The following DHCR7 variants were observed in gnomAD, a reference collection of about 807,000 sequenced individuals.
The protein encoded by DHCR7 is 7-dehydrocholesterol reductase.
In DHCR7, 40 loss-of-function variants were observed where a neutral mutation model predicts 43.3. That is an observed-to-expected ratio of 0.92 (90% CI 0.72 to 1.20). The LOEUF (loss-of-function observed/expected upper bound fraction) is 1.20. DHCR7 is among the 50% of genes most tolerant of loss of function. DHCR7 has a pLI of 0.00. For missense variants in DHCR7, 608 were observed against 644.6 expected, an observed-to-expected ratio of 0.94 and a Z score of 0.62; for synonymous variants, 298 against 271.4, an observed-to-expected ratio of 1.10 and a Z score of -0.96.
At chr11:71,429,397 G>A (rs376479665) in intron 2 of DHCR7, among the ~76,000 whole-genome samples, 3 of 152,298 alleles carry the variant, frequency 2.0e-5, no homozygotes, top group African/African-American at 4.8e-5. Context: ...CTGTTGAGCC[G>A]AGAACAGACT....
chr11:71,443,711 G>C (rs890156778), intron 4 of DHCR7, among the ~76,000 whole-genome samples: 1 of 152,186 alleles, frequency 6.6e-6, no homozygotes, highest in Non-Finnish European at 1.5e-5. Flanking sequence ...ACGGGGTTTT[G>C]CTCCTATCCT....
chr11:71,448,892 A>G (rs1434246943), upstream of DHCR7: 6 of 152,544 alleles, frequency 3.9e-5, no homozygotes, highest in African/African-American at 1.4e-4. Context: ...TCAGGTAAAC[A>G]CATGGGTGTC....
intron 2 of DHCR7, among the ~76,000 whole-genome samples, chr11:71,446,960 G>C (rs1949411517): frequency 6.6e-6 from 1 of 152,192 alleles, no homozygotes. Flanking sequence ...CAGCCACCTG[G>C]ACAAGCTGGC....
chr11:71,446,969 G>C (rs1432540935), intron 2 of DHCR7, among the ~76,000 whole-genome samples: 1 of 152,194 alleles, frequency 6.6e-6, no homozygotes, highest in African/African-American at 2.4e-5. Flanking sequence ...GGACAAGCTG[G>C]CTTGCTTTAG....
At chr11:71,436,461 G>A (rs1470955745) in intron 8 of DHCR7, among the ~76,000 whole-genome samples, 16 of 152,196 alleles carry the variant, frequency 1.1e-4, no homozygotes, top group Non-Finnish European at 2.9e-5. Context: ...TCAGGAGTTT[G>A]AGACCAGCCT....
intron 6 of DHCR7, among the ~76,000 whole-genome samples, chr11:71,440,302 CCT>C (rs1949334873): frequency 6.6e-6 from 1 of 151,790 alleles, no homozygotes; most frequent in Non-Finnish European, 1.5e-5. Context: ...CATTACAGGC[CCT>C]GATAGAGTGG....
At chr11:71,446,260 G>GAAAAAA (rs57679336) in intron 2 of DHCR7, among the ~76,000 whole-genome samples, 108 of 65,846 alleles carry the variant, frequency 1.6e-3, no homozygotes, top group Non-Finnish European at 2.3e-3. Flanking sequence ...CTTACCAAAT[G>GAAAAAA]AAAAAAAAAA....
At chr11:71,443,702 C>T (rs966988065) in intron 4 of DHCR7, among the ~76,000 whole-genome samples, 10 of 152,178 alleles carry the variant, frequency 6.6e-5, no homozygotes, top group Non-Finnish European at 1.3e-4. Context: ...TGCCCTCCCA[C>T]GGGGTTTTGC....
At chr11:71,441,953 G>A (rs962435179) in intron 5 of DHCR7, among the ~76,000 whole-genome samples, 13 of 152,304 alleles carry the variant, frequency 8.5e-5, no homozygotes, top group Admixed American at 3.3e-4. Flanking sequence ...GGACAGCCCC[G>A]AGGAATGGTG....
chr11:71,435,202 A>T lies in DHCR7; in HGVS notation c.*173T>A. 1.3e-6 allele frequency: 1 copy of T among 754,330 alleles called. No individual in the cohort carries two copies. The highest frequency in any genetic ancestry group is 2.3e-6 in the Non-Finnish European group (1 of 430,428). The allele number at this position is 754,330 out of a possible 1,614,324, so 46.7% of individuals were successfully genotyped here. ...ACACTCGGAATTCCCTTGAAGGCAA[A>T]AGCAAGGAACAGAGCGTGATTAGGT... On this transcript the variant is annotated 3_prime_UTR_variant, in exon 9 of 9. Transcript: ENST00000355527.
intron 6 of DHCR7, among the ~76,000 whole-genome samples, chr11:71,439,368 G>A (rs1292910884): frequency 2.0e-5 from 3 of 152,228 alleles, no homozygotes; most frequent in Admixed American, 6.5e-5. Flanking sequence ...AAGGGTGGGA[G>A]ACCGGCCCTG....
At chr11:71,429,499 G>A (rs1949217552), downstream of DHCR7, among the ~76,000 whole-genome samples, 1 of 152,248 alleles carries the variant, frequency 6.6e-6, no homozygotes, top group Non-Finnish European at 1.5e-5. Flanking sequence ...AAAGCGGTCA[G>A]ATCCTGGACA....
chr11:71,437,893 G>T lies in DHCR7; in HGVS notation c.882C>A (p.Thr294=), dbSNP rs748858240. Residue 294 remains threonine (T), a synonymous_variant, in exon 8 of 9, where the codon ACC becomes ACA. Coordinates refer to ENST00000355527, the MANE Select transcript of DHCR7 (RefSeq NM_001360.3). ...FFWNETWYLK[T]IDICHDHFGW... ...CGAAGTGGTCATGGCAGATGTCAATGGTCTTCAGGTACCAGGTTTCGTTCC... is the reference window on the plus strand; with the variant it reads ...CGAAGTGGTCATGGCAGATGTCAATTGTCTTCAGGTACCAGGTTTCGTTCC... 1.9e-6 allele frequency: 3 copies of T among 1,613,972 alleles called. No individual in the cohort carries two copies. The highest frequency in any genetic ancestry group is 1.3e-5 in the African/African-American group (1 of 75,046).
chr11:71,446,954 C>G (rs1294216576), intron 2 of DHCR7, among the ~76,000 whole-genome samples: 2 of 152,202 alleles, frequency 1.3e-5, no homozygotes, highest in Non-Finnish European at 2.9e-5. Flanking sequence ...AGATCACAGC[C>G]ACCTGGACAA....
At chr11:71,444,386 A>T in intron 3 of DHCR7, 171 bp from the exon 4 acceptor site, 4 of 645,528 alleles carry the variant, frequency 6.2e-6, no homozygotes, top group Non-Finnish European at 1.1e-5. Context: ...GCCACTCAAC[A>T]TGCCTGCTCT....
In DHCR7 at chr11:71,442,265, G is replaced by A; in HGVS notation, c.410C>T (p.Ala137Val). The change falls in exon 5 of 9, where the codon GCA becomes GTA. Residue 137 changes from alanine (A) to valine (V), a missense_variant and splice_region_variant. Physicochemically the swap from Ala to Val is moderately conservative, Grantham distance 64. Coordinates refer to ENST00000355527, the MANE Select transcript of DHCR7 (RefSeq NM_001360.3). ...GGIQEGAVTP[A>V]GVVNKYQING... ...GAGGGTGGAAGGGAGGAGGCTACCT[G>A]CAGGAGTCACGGCCCCCTCCTGGAT... is the stretch of plus-strand genomic sequence containing the variant. The A allele has an allele frequency of 1.9e-6, 3 of 1,611,786 alleles. No individual in the cohort carries two copies. Among genetic ancestry groups the A allele is most frequent in the Non-Finnish European group, 2.5e-6 (3 of 1,178,436 alleles).
intron 8 of DHCR7, among the ~76,000 whole-genome samples, chr11:71,437,563 C>T (rs560785581): frequency 6.6e-6 from 1 of 152,296 alleles, no homozygotes; most frequent in Non-Finnish European, 1.5e-5. Context: ...TGACCCACCT[C>T]CACCTCCACT....
chr11:71,440,156 G>A (rs932363051), intron 6 of DHCR7, among the ~76,000 whole-genome samples: 3 of 152,118 alleles, frequency 2.0e-5, no homozygotes, highest in Non-Finnish European at 4.4e-5. Flanking sequence ...GTGTTCAGAA[G>A]TGTCACCCAG....
intron 8 of DHCR7, among the ~76,000 whole-genome samples, chr11:71,436,687 T>C (rs893129730): frequency 3.3e-5 from 5 of 151,288 alleles, no homozygotes; most frequent in Non-Finnish European, 5.9e-5. Flanking sequence ...AGTGACCTTC[T>C]ATTTAAGCAC....
Sources: allele counts gnomAD v4.1 joint callset (sites outside exome capture counted in the v4.1 genomes callset), GRCh38; gene constraint gnomAD v4.1.1; transcripts MANE v1.5; gene names NCBI Gene and HGNC (gene_info 2026-07-23, HGNC 2026-07-21).